The following MBD5 variants were observed in gnomAD, a reference collection of about 807,000 sequenced individuals.
MBD5 encodes the protein methyl-CpG binding domain protein 5.
In MBD5, 13 loss-of-function variants were observed where a neutral mutation model predicts 117.3. The observed-to-expected ratio is 0.11, with a 90% CI of 0.07 to 0.18. The LOEUF (loss-of-function observed/expected upper bound fraction) is 0.18, where lower values mean the gene tolerates loss of function less well. Ranked by LOEUF, MBD5 falls within the 10% of genes least tolerant of loss-of-function variation. The probability of loss-of-function intolerance (pLI) is 1.00; values close to 1 mark genes in which losing one functional copy is unlikely to be tolerated. For synonymous variants in MBD5, 727 were observed against 766.4 expected (o/e 0.95, Z 0.85); for missense variants, 1,879 against 2,093.8 (o/e 0.90, Z 2.00).
intron 3 of MBD5, among the ~76,000 whole-genome samples, chr2:148,244,858 G>T (rs893032847): frequency 1.3e-5 from 2 of 151,882 alleles, no homozygotes; most frequent in South Asian, 4.2e-4. Flanking sequence ...GACATGCGAG[G>T]TTTTTTTTCC....
At chr2:148,498,406 G>A (rs902537023) in intron 11 of MBD5, among the ~76,000 whole-genome samples, 9 of 152,048 alleles carry the variant, frequency 5.9e-5, no homozygotes, top group Non-Finnish European at 8.8e-5. Flanking sequence ...GGAGTCTCTC[G>A]GCTCACTGCA....
At position 148,322,497 on chromosome 2, in the gene MBD5, G is replaced by C. The variant is rs142915576; in HGVS notation, c.-679-19717G>C. Among the ~76,000 whole-genome samples the C allele has an allele frequency of 3.3e-3, 507 of 152,158 alleles. 9 individuals are homozygous for C. Among genetic ancestry groups the C allele is most frequent in the Admixed American group, 0.031 (469 of 15,272 alleles). On this transcript the variant is annotated intron_variant, in intron 3 of 13. Transcript: ENST00000642680. The stretch of plus-strand genomic sequence containing the variant: ...TTTTTATGAAATTTGATCTTAATCT[G>C]CAGTTTAATCTATCTTCATATTCAG...
chr2:148,260,273 C>T (rs529881242), intron 3 of MBD5, among the ~76,000 whole-genome samples: 76 of 152,318 alleles, frequency 5.0e-4, no homozygotes, highest in South Asian at 1.9e-3. Flanking sequence ...ACAATGTTCA[C>T]AGCATCTTCA....
chr2:148,457,303 C>G (rs1022841089), intron 4 of MBD5, among the ~76,000 whole-genome samples: 1 of 152,066 alleles, frequency 6.6e-6, no homozygotes, highest in African/African-American at 2.4e-5. Context: ...TTGTTTTTTA[C>G]GCATTCTTTA....
rs771343592 is a variant in MBD5 at position 148,489,418 on chromosome 2, C to G, written c.3786C>G (p.Asn1262Lys). The stretch of plus-strand genomic sequence containing the variant: ...TGCAGGAAGATGCAGCTCTCCTAAA[C>G]AAAAGAATAAGCACTCAGCCTGGGC... ...VRMQEDAALL[N>K]KRISTQPGLT... Residue 1262 changes from asparagine to lysine, a missense_variant, in exon 11 of 14, where the codon AAC becomes AAG. Asn to Lys is a moderately conservative substitution (Grantham distance 94). Transcript: ENST00000642680. 3.4e-5 allele frequency: 55 copies of G among 1,614,132 alleles called. No homozygotes were observed. The South Asian group carries it at 4.5e-4, about 13-fold the overall frequency.
At chr2:148,213,455 A>G (rs1485343670) in intron 2 of MBD5, among the ~76,000 whole-genome samples, 1 of 152,116 alleles carries the variant, frequency 6.6e-6, no homozygotes, top group Admixed American at 6.6e-5. Context: ...AGGGAATAGG[A>G]GGACTTAACA....
At chr2:148,424,215 A>AAAAAAC (rs1294898136) in intron 4 of MBD5, among the ~76,000 whole-genome samples, 1 of 143,710 alleles carries the variant, frequency 7.0e-6, no homozygotes, top group Admixed American at 7.0e-5. Context: ...AAAAAAAAAA[A>AAAAAAC]ACAGCAGAGG....
At chr2:148,110,685 G>A (rs1696485638) in intron 1 of MBD5, among the ~76,000 whole-genome samples, 1 of 151,172 alleles carries the variant, frequency 6.6e-6, no homozygotes, top group Admixed American at 6.6e-5. Context: ...TTTTGTTTGT[G>A]GTGTTGTTGC....
chr2:148,280,130 G>GC (rs1701208393), intron 3 of MBD5, among the ~76,000 whole-genome samples: 1 of 20,004 alleles, frequency 5.0e-5, no homozygotes, highest in Admixed American at 5.3e-4. Flanking sequence ...AAAACTAACT[G>GC]CAAAAAAAAA....
chr2:148,028,178 ATTAAG>A (rs1693950185), intron 1 of MBD5: 1 of 152,044 alleles, frequency 6.6e-6, no homozygotes, highest in Non-Finnish European at 1.5e-5. Flanking sequence ...AGAACCTGTA[ATTAAG>A]TTCAGTGTCA....
chr2:148,392,622 G>C (rs1015450435), intron 4 of MBD5, among the ~76,000 whole-genome samples: 3 of 152,112 alleles, frequency 2.0e-5, no homozygotes, highest in African/African-American at 7.2e-5. Flanking sequence ...TTATCTGTCT[G>C]ACAGTTATTT....
chr2:148,300,154 G>C (rs1041838284), intron 3 of MBD5, among the ~76,000 whole-genome samples: 1 of 151,774 alleles, frequency 6.6e-6, no homozygotes, highest in Non-Finnish European at 1.5e-5. Flanking sequence ...TCCCAGGTTC[G>C]AGCAATTCCC....
At chr2:148,077,251 TA>T (rs1328880492) in intron 1 of MBD5, among the ~76,000 whole-genome samples, 1 of 152,240 alleles carries the variant, frequency 6.6e-6, no homozygotes, top group Non-Finnish European at 1.5e-5. Context: ...TTCATGGAAA[TA>T]TAAATCTTTT....
At chr2:148,509,836 C>T (rs1215434691) in intron 12 of MBD5, among the ~76,000 whole-genome samples, 2 of 151,978 alleles carry the variant, frequency 1.3e-5, no homozygotes, top group Non-Finnish European at 2.9e-5. Flanking sequence ...TCCATCTCCC[C>T]GCCCCACAAT....
intron 4 of MBD5, among the ~76,000 whole-genome samples, chr2:148,342,755 A>C (rs1249170001): frequency 6.6e-6 from 1 of 151,914 alleles, no homozygotes; most frequent in African/African-American, 2.4e-5. Flanking sequence ...GCCTTTTTAA[A>C]AAAAATTTAT....
chr2:148,265,905 G>T (rs1296290726), intron 3 of MBD5, among the ~76,000 whole-genome samples: 1 of 149,850 alleles, frequency 6.7e-6, no homozygotes, highest in Admixed American at 6.8e-5. Context: ...TGGCAGGCTG[G>T]GGACAAAGAA....
intron 1 of MBD5, among the ~76,000 whole-genome samples, chr2:148,079,857 AAAC>A (rs201427792): frequency 0.38 from 47,081 of 122,970 alleles, 8,043 homozygotes; most frequent in South Asian, 0.51. Flanking sequence ...ACTCTGTCTA[AAAC>A]AACAACAACA....
chr2:148,371,790 G>T (rs1225959255), intron 4 of MBD5, among the ~76,000 whole-genome samples: 1 of 152,084 alleles, frequency 6.6e-6, no homozygotes. Context: ...ATTAAAAAAT[G>T]ACTTTTTCCC....
intron 4 of MBD5, among the ~76,000 whole-genome samples, chr2:148,420,413 G>A (rs190132431): frequency 6.6e-6 from 1 of 152,016 alleles, no homozygotes; most frequent in East Asian, 1.9e-4. Context: ...TTTCATTTTT[G>A]TATTTTTCTT....
Sources: gnomAD v4.1 joint callset for allele counts (sites outside exome capture counted in the v4.1 genomes callset) on GRCh38, gnomAD v4.1.1 for gene constraint, MANE v1.5 for transcripts, NCBI Gene and HGNC (gene_info 2026-07-23, HGNC 2026-07-21) for gene names.